The following ZNF160 variants were observed in gnomAD, a reference collection of about 807,000 sequenced individuals.
ZNF160 encodes KRAB zinc finger protein KR18.
Under a neutral mutation model 13.1 loss-of-function variants are expected in ZNF160, and 9 were observed. That is an observed-to-expected ratio of 0.69 (90% confidence interval 0.41 to 1.20). The LOEUF is 1.20. ZNF160 is among the 50% of genes most tolerant of loss of function. The pLI is 0.01. For synonymous variants in ZNF160, 293 were observed against 333.2 expected (o/e 0.88, Z 1.31); for missense variants, 838 against 988.0 (o/e 0.85, Z 2.04).
In ZNF160 at chr19:53,069,739, C is replaced by T. The variant is rs369230117; in HGVS notation, c.795G>A (p.Ala265=). 6.7e-5 allele frequency: 108 copies of T among 1,613,896 alleles called. No individual in the cohort carries two copies. Among genetic ancestry groups the T allele is most frequent in the Non-Finnish European group, 8.2e-5 (97 of 1,180,012 alleles). The change falls in exon 6 of 6, where the codon GCG becomes GCA. Residue 265 remains alanine (A), a synonymous_variant. Coordinates refer to ENST00000683776, the MANE Select transcript of ZNF160 (RefSeq NM_001322131.2). This position sits in a 1 kb window ranked among gnomAD's most constrained non-coding sequence, Gnocchi z 4.4. ...KPYKCNECGK[A]FTQNSNLTSH... Reference sequence around the variant, plus strand: ...TTGTAAGGTTCGAATTCTGAGTGAACGCCTTGCCACATTCATTACATTTAT... The same window carrying T: ...TTGTAAGGTTCGAATTCTGAGTGAATGCCTTGCCACATTCATTACATTTAT...
chr19:53,101,781 G>A (rs1373010431), intron 1 of ZNF160, among the ~76,000 whole-genome samples: 1 of 152,156 alleles, frequency 6.6e-6, no homozygotes, highest in African/African-American at 2.4e-5. Context: ...AACAGCATGG[G>A]CAAATGAAAG....
chr19:53,092,360 G>C (rs1214854919), intron 1 of ZNF160, among the ~76,000 whole-genome samples: 2 of 151,978 alleles, frequency 1.3e-5, no homozygotes, highest in South Asian at 4.1e-4. Context: ...GCTCAGGCTA[G>C]AGTGCAATGG....
intron 3 of ZNF160, among the ~76,000 whole-genome samples, chr19:53,083,884 T>C (rs1282834857): frequency 6.6e-6 from 1 of 152,182 alleles, no homozygotes; most frequent in African/African-American, 2.4e-5. Context: ...AGTACGCTCA[T>C]TTTTCTAAGA....
intron 2 of ZNF160, chr19:53,091,128 C>A (rs544645285): frequency 1.3e-5 from 2 of 152,320 alleles, no homozygotes; most frequent in Admixed American, 6.5e-5. Context: ...GCGGGAGGAT[C>A]ACTTGAGCCC....
chr19:53,095,952 T>C (rs2085218412), intron 1 of ZNF160, among the ~76,000 whole-genome samples: 1 of 152,224 alleles, frequency 6.6e-6, no homozygotes, highest in Admixed American at 6.5e-5. Flanking sequence ...GTGCGGTGAC[T>C]TATGCTTGTA....
At chr19:53,073,281 G>A in intron 5 of ZNF160, 1 of 1,555,288 alleles carries the variant, frequency 6.4e-7, no homozygotes, top group South Asian at 1.2e-5. Context: ...GTAAGACTGA[G>A]GATCAATGAC....
chr19:53,080,469 T>TA (rs1292443130), intron 3 of ZNF160, among the ~76,000 whole-genome samples: 1 of 152,102 alleles, frequency 6.6e-6, no homozygotes, highest in Non-Finnish European at 1.5e-5. Flanking sequence ...GCAATCCTAT[T>TA]AAAAATAGCC....
At chr19:53,085,669 C>T (rs566269916) in intron 3 of ZNF160, 1 of 215,494 alleles carries the variant, frequency 4.6e-6, no homozygotes, top group Admixed American at 5.3e-5. Flanking sequence ...TTTAATGAAT[C>T]TTGTTACACA....
chr19:53,094,787 TTTCAATTAGC>T lies in ZNF160; in HGVS notation c.-353-3077_-353-3068del, dbSNP rs1600909165. Reference sequence around the variant, plus strand: ...ATAAGCAGGAAGCATCCCCGGCTAATTTCAATTAGCTGAAACTTTATTTTAGCAGTGCAAT... The same window carrying T: ...ATAAGCAGGAAGCATCCCCGGCTAATTGAAACTTTATTTTAGCAGTGCAAT... On this transcript the variant is annotated intron_variant, in intron 1 of 5. Coordinates refer to ENST00000683776, the MANE Select transcript of ZNF160 (RefSeq NM_001322131.2). Among the ~76,000 whole-genome samples the T allele has an allele frequency of 2.6e-5, 4 of 152,304 alleles. No individual in the cohort carries two copies. The East Asian group carries it at 7.7e-4, about 29-fold the overall frequency.
At chr19:53,074,038 C>T in intron 5 of ZNF160, 102 bp downstream of exon 5, 3 of 1,163,186 alleles carry the variant, frequency 2.6e-6, no homozygotes, top group African/African-American at 1.5e-5. Context: ...GATCTGCCCA[C>T]CTTGGCCTCC....
At chr19:53,073,508 G>A in intron 5 of ZNF160, 2 of 1,596,910 alleles carry the variant, frequency 1.3e-6, no homozygotes, top group African/African-American at 2.7e-5. Flanking sequence ...TCCTGAGCAG[G>A]TCTTCCACGC....
In ZNF160 at chr19:53,069,140, T is replaced by G. The variant is rs2084069129; in HGVS notation, c.1394A>C (p.His465Pro). The G allele has an allele frequency of 1.2e-6, 2 of 1,614,104 alleles. No homozygotes were observed. Among genetic ancestry groups the G allele is most frequent in the Non-Finnish European group, 1.7e-6 (2 of 1,180,020 alleles). ...CNECGKAFSMHSNLATHQVIH... is the reference protein window; with the variant it reads ...CNECGKAFSMPSNLATHQVIH... Reference sequence around the variant, plus strand: ...GACCTGATGGGTAGCTAGGTTTGAATGCATACTGAAGGCTTTGCCACATTC... The same window carrying G: ...GACCTGATGGGTAGCTAGGTTTGAAGGCATACTGAAGGCTTTGCCACATTC... The change falls in exon 6 of 6, where the codon CAT (histidine) becomes CCT (proline). Residue 465 changes from histidine (H) to proline (P), a missense_variant. By Grantham distance (77) the His-to-Pro change is moderately conservative. This residue lies in a region of ZNF160 where 400 missense variants were observed against 538.9 expected (regional missense o/e 0.74). Coordinates refer to ENST00000683776, the MANE Select transcript of ZNF160 (RefSeq NM_001322131.2). The surrounding 1 kb of genome is among the most constrained non-coding windows in gnomAD (Gnocchi z 4.4).
At position 53,069,725 on chromosome 19, in the gene ZNF160, G is replaced by T; in HGVS notation, c.809C>A (p.Ser270Ter). Reference protein sequence around the residue: ...NECGKAFTQNSNLTSHRRIHS... With the variant: ...NECGKAFTQN ...AATTCTCCTATGACTTGTAAGGTTCGAATTCTGAGTGAACGCCTTGCCACA... is the reference window on the plus strand; with the variant it reads ...AATTCTCCTATGACTTGTAAGGTTCTAATTCTGAGTGAACGCCTTGCCACA... Residue 270 changes from serine to a stop codon, truncating the protein, a stop_gained, in exon 6 of 6, where the codon TCG (serine) becomes TAG (stop). Coordinates refer to ENST00000683776, the MANE Select transcript of ZNF160 (RefSeq NM_001322131.2). LOFTEE classifies it low-confidence loss of function (END_TRUNC). This position sits in a 1 kb window ranked among gnomAD's most constrained non-coding sequence, Gnocchi z 4.4. 1 of 1,614,178 alleles carries T rather than the reference G, an allele frequency of 6.2e-7. No individual in the cohort carries two copies.
chr19:53,079,383 T>C (rs997015557), intron 3 of ZNF160, among the ~76,000 whole-genome samples: 5 of 151,732 alleles, frequency 3.3e-5, no homozygotes, highest in African/African-American at 4.8e-5. Flanking sequence ...AAACCCCGTC[T>C]CTACTAAATA....
rs367577416 is a variant in ZNF160, at chr19:53,099,145, T to C, written c.-354+4120A>G. Among the ~76,000 whole-genome samples, 14 of 151,064 alleles carry C rather than the reference T, an allele frequency of 9.3e-5. No homozygotes were observed. In the East Asian group the frequency reaches 2.5e-3, roughly 27 times the overall value. ...CCATGCAGAAGAGTGTCCGATGTGG[T>C]GATGGATGCGGAGACAGTGAAACCT... On this transcript the variant is annotated intron_variant, in intron 1 of 5. Transcript: ENST00000683776.
chr19:53,082,063 G>A (rs960025587), intron 3 of ZNF160, among the ~76,000 whole-genome samples: 1 of 152,012 alleles, frequency 6.6e-6, no homozygotes, highest in Non-Finnish European at 1.5e-5. Context: ...CTAAACACTG[G>A]GTGCACACAA....
intron 3 of ZNF160, among the ~76,000 whole-genome samples, chr19:53,081,221 A>C (rs1292037844): frequency 2.6e-5 from 4 of 152,188 alleles, no homozygotes; most frequent in Non-Finnish European, 5.9e-5. Context: ...AAATAAAAGG[A>C]ATTTATGAAG....
intron 5 of ZNF160, among the ~76,000 whole-genome samples, chr19:53,071,243 A>C (rs1427955456): frequency 1.3e-5 from 2 of 151,796 alleles, no homozygotes; most frequent in African/African-American, 4.8e-5. Flanking sequence ...TGTGCCTGCA[A>C]TTCTGGATAC....
intron 3 of ZNF160, among the ~76,000 whole-genome samples, chr19:53,083,206 T>C (rs1265986829): frequency 2.0e-5 from 3 of 152,128 alleles, no homozygotes; most frequent in Non-Finnish European, 4.4e-5. Flanking sequence ...CCACTGGTGA[T>C]CAACTTAACC....
Sources: allele counts gnomAD v4.1 joint callset (sites outside exome capture counted in the v4.1 genomes callset), GRCh38; gene constraint gnomAD v4.1.1; regional missense constraint gnomAD v4.1.1; non-coding constraint Gnocchi (gnomAD v3.1); transcripts MANE v1.5; gene names NCBI Gene and HGNC (gene_info 2026-07-23, HGNC 2026-07-21).